Variants in CHD9 observed in about 807,000 individuals in gnomAD.
CHD9 encodes chromodomain helicase DNA binding protein 9, also known as ATP-dependent chromatin remodeler CHD9.
Under a neutral mutation model 316.1 loss-of-function variants are expected in CHD9, and 77 were observed. That is an observed-to-expected ratio of 0.24 (90% CI 0.20 to 0.29). The LOEUF (loss-of-function observed/expected upper bound fraction) is 0.29. CHD9 is among the 10% of genes least tolerant of loss of function. The pLI is 1.00. For synonymous variants in CHD9, 1,129 were observed against 1,158.3 expected (o/e 0.97, Z 0.51); for missense variants, 2,763 against 3,438.1 (o/e 0.80, Z 4.91).
rs577166122 is a variant in CHD9 at position 53,215,265 on chromosome 16, T to TGA, written c.1784+5453_1784+5454dup. 4.7e-4 allele frequency among the ~76,000 whole-genome samples: 72 copies of TGA among 152,350 alleles called. 2 individuals are homozygous for TGA. The South Asian group carries it at 0.013, about 28-fold the overall frequency. ...CAACTGTGCTGATAAATGTATTGGC[T>TGA]GATTAATACGTAGCTAACAACTTGG... On this transcript the variant is annotated intron_variant, in intron 3 of 38. Transcript: ENST00000447540.
chr16:53,324,089 C>G lies in CHD9; in HGVS notation c.7888C>G (p.Arg2630Gly). The G allele has an allele frequency of 6.2e-7, 1 of 1,613,846 alleles. No individual in the cohort carries two copies. The highest frequency in any genetic ancestry group is 8.5e-7 in the Non-Finnish European group (1 of 1,179,802). ...CGTTGTGAGAGAGGAAGTAAGCAGG[C>G]GGGGGAGACGGCCTAAAAGTGGAAT... is the stretch of plus-strand genomic sequence containing the variant. ...GPVVREEVSR[R>G]GRRPKSGIAK... The change falls in exon 39 of 39, where the codon CGG becomes GGG. Residue 2630 changes from arginine to glycine, a missense_variant. Transcript: ENST00000447540.
intron 34 of CHD9, among the ~76,000 whole-genome samples, chr16:53,310,050 T>C (rs917560716): frequency 6.6e-6 from 1 of 152,240 alleles, no homozygotes; most frequent in Non-Finnish European, 1.5e-5. Context: ...ATAAGTGTTG[T>C]CTTGAACTGA....
At chr16:53,161,702 C>T (rs554584873) in intron 2 of CHD9, among the ~76,000 whole-genome samples, 15 of 152,142 alleles carry the variant, frequency 9.9e-5, no homozygotes, top group South Asian at 2.1e-4. Flanking sequence ...AATTCTAGAA[C>T]GCTTTAGTGA....
chr16:53,220,035 A>G (rs1450974522), intron 3 of CHD9, among the ~76,000 whole-genome samples: 1 of 152,220 alleles, frequency 6.6e-6, no homozygotes, highest in Non-Finnish European at 1.5e-5. Context: ...CTAACAGTAA[A>G]TATAGCCTCA....
chr16:53,150,650 T>C (rs2041024412), intron 1 of CHD9, among the ~76,000 whole-genome samples: 1 of 152,230 alleles, frequency 6.6e-6, no homozygotes, highest in Non-Finnish European at 1.5e-5. Context: ...CTTAATCATG[T>C]CTTTTAGGGC....
At chr16:53,213,207 G>C (rs2046468440) in intron 3 of CHD9, among the ~76,000 whole-genome samples, 1 of 152,222 alleles carries the variant, frequency 6.6e-6, no homozygotes, top group Non-Finnish European at 1.5e-5. Context: ...ATTTAGGATA[G>C]ATACAGTTTG....
At chr16:53,129,954 G>C (rs1414930007) in intron 1 of CHD9, among the ~76,000 whole-genome samples, 1 of 152,152 alleles carries the variant, frequency 6.6e-6, no homozygotes, top group East Asian at 1.9e-4. Context: ...ATTCGTGAAG[G>C]ATCGAGAGGG....
intron 25 of CHD9, 94 bp from the exon 26 acceptor site, chr16:53,286,132 G>A: frequency 1.6e-6 from 1 of 625,446 alleles, no homozygotes; most frequent in Non-Finnish European, 2.8e-6. Context: ...CTTTAGTCCA[G>A]AAATATCATC....
intron 1 of CHD9, among the ~76,000 whole-genome samples, chr16:53,139,137 T>C (rs895873790): frequency 7.9e-5 from 12 of 152,138 alleles, no homozygotes; most frequent in African/African-American, 1.2e-4. Context: ...AAGATAGATA[T>C]AGTGCTTCCA....
chr16:53,068,343 C>T (rs2033706107), intron 1 of CHD9, among the ~76,000 whole-genome samples: 1 of 152,202 alleles, frequency 6.6e-6, no homozygotes, highest in South Asian at 2.1e-4. Flanking sequence ...TGCAAGACAA[C>T]AGGCTTGTGT....
intron 1 of CHD9, among the ~76,000 whole-genome samples, chr16:53,093,880 C>T (rs1438925206): frequency 6.6e-6 from 1 of 152,136 alleles, no homozygotes; most frequent in Non-Finnish European, 1.5e-5. Flanking sequence ...AGCTCTGACC[C>T]ACCAGCAGAA....
chr16:53,056,523 A>G (rs1206021450), intron 1 of CHD9, among the ~76,000 whole-genome samples: 2 of 152,182 alleles, frequency 1.3e-5, no homozygotes, highest in African/African-American at 4.8e-5. Context: ...GAAGTTATAT[A>G]ATTAATTAAT....
chr16:53,209,378 G>T, intron 2 of CHD9, 104 bp from the exon 3 acceptor site: 3 of 820,584 alleles, frequency 3.7e-6, no homozygotes, highest in South Asian at 2.2e-5. Flanking sequence ...ATTTGCTAAT[G>T]TAATTTTACC....
intron 1 of CHD9, among the ~76,000 whole-genome samples, chr16:53,080,970 G>C (rs1276090297): frequency 6.6e-6 from 1 of 152,208 alleles, no homozygotes; most frequent in Non-Finnish European, 1.5e-5. Context: ...TCTGACCTTG[G>C]CCAGTGCTGG....
At position 53,249,899 on chromosome 16, in the gene CHD9, G is replaced by C; in HGVS notation, c.3694G>C (p.Val1232Leu). ...RYLYERIDGRVRGNLRQAAID... is the reference protein window; with the variant it reads ...RYLYERIDGRLRGNLRQAAID... ...CTTATATGAGCGAATTGATGGCAGA[G>C]TCAGAGGAAATCTTCGGCAAGCTGC... The change falls in exon 17 of 39, where the codon GTC becomes CTC. Residue 1232 changes from valine to leucine, a missense_variant. Physicochemically the swap from Val to Leu is conservative, Grantham distance 32. This residue lies in a region of CHD9 where 39 missense variants were observed against 40.4 expected (regional missense o/e 0.97). Transcript: ENST00000447540. 1 of 1,613,636 alleles carries C rather than the reference G, an allele frequency of 6.2e-7. No individual in the cohort carries two copies. Among genetic ancestry groups the C allele is most frequent in the Non-Finnish European group, 8.5e-7 (1 of 1,179,660 alleles).
chr16:53,315,034 C>T lies in CHD9; in HGVS notation c.7574C>T (p.Ala2525Val). 6.2e-7 allele frequency: 1 copy of T among 1,611,838 alleles called. No individual in the cohort carries two copies. Among genetic ancestry groups the T allele is most frequent in the Non-Finnish European group, 8.5e-7 (1 of 1,178,296 alleles). ...EHPGYVEDLG[A>V]FIPRMQLHEG... ...CCGGGTTATGTGGAAGATTTGGGAGCTTTTATTCCTGTAGGTGACACCTTA... is the reference window on the plus strand; with the variant it reads ...CCGGGTTATGTGGAAGATTTGGGAGTTTTTATTCCTGTAGGTGACACCTTA... The change falls in exon 36 of 39, where the codon GCT becomes GTT. Residue 2525 changes from alanine to valine, a missense_variant. Transcript: ENST00000447540.
At chr16:53,134,897 A>G (rs936779348) in intron 1 of CHD9, among the ~76,000 whole-genome samples, 3 of 152,208 alleles carry the variant, frequency 2.0e-5, no homozygotes, top group Non-Finnish European at 4.4e-5. Flanking sequence ...CATGGAACCT[A>G]CCATCTAACA....
chr16:53,294,938 C>G (rs981747642), intron 29 of CHD9, among the ~76,000 whole-genome samples: 1 of 152,146 alleles, frequency 6.6e-6, no homozygotes, highest in East Asian at 1.9e-4. Flanking sequence ...TTGAAGGTCT[C>G]TTCATTTTAG....
At chr16:53,099,336 C>T (rs191236744) in intron 1 of CHD9, 23 of 152,350 alleles carry the variant, frequency 1.5e-4, no homozygotes, top group Admixed American at 1.2e-3. Context: ...GGGATGGCCA[C>T]CTTTGTGTGC....
Sources: gnomAD v4.1 joint callset for allele counts (sites outside exome capture counted in the v4.1 genomes callset) on GRCh38, gnomAD v4.1.1 for gene constraint, gnomAD v4.1.1 regional missense constraint, MANE v1.5 for transcripts, NCBI Gene and HGNC (gene_info 2026-07-23, HGNC 2026-07-21) for gene names.